Variants in OR2T1 observed in about 807,000 individuals in gnomAD.
The protein encoded by OR2T1 is olfactory receptor family 2 subfamily T member 1, also known as olfactory receptor 2T1.
For synonymous variants in OR2T1, 186 were observed against 145.4 expected (o/e 1.28, Z -2.01); for missense variants, 440 against 390.2 (o/e 1.13, Z -1.07).
chr1:248,407,934 A>G lies in OR2T1; in HGVS notation c.*830A>G, dbSNP rs568869721. On this transcript the variant is annotated 3_prime_UTR_variant, in exon 2 of 2. Transcript: ENST00000642005. ...CCCAAGGAAGGGCCGTGGGATCCCC[A>G]ATTTACAATCACTTGGTCAAAAGTA... 1.3e-5 allele frequency: 2 copies of G among 152,404 alleles called. No individual in the cohort carries two copies. Among genetic ancestry groups the G allele is most frequent in the East Asian group, 3.8e-4 (2 of 5,196 alleles). 9.4% of individuals were successfully genotyped at this position (152,404 alleles called of 1,614,324 possible).
At position 248,407,101 on chromosome 1, in the gene OR2T1, T is replaced by C. The variant is rs766863983; in HGVS notation, c.954T>C (p.Phe318=). Reference sequence around the variant, plus strand: ...CTCAAAGGGTGTCAGGAGGTGTCTTTTGACAGTCGACTCCTTCCCATGCAT... The same window carrying C: ...CTCAAAGGGTGTCAGGAGGTGTCTTCTGACAGTCGACTCCTTCCCATGCAT... The part of the protein sequence containing the change: ...KGPQRVSGGV[F] Residue 318 remains phenylalanine, a synonymous_variant, in exon 2 of 2, where the codon TTT becomes TTC. Transcript: ENST00000642005. 18 of 1,575,302 alleles carry C rather than the reference T, an allele frequency of 1.1e-5. No homozygotes were observed. Among genetic ancestry groups the C allele is most frequent in the South Asian group, 9.5e-5 (8 of 83,860 alleles).
intron 1 of OR2T1, among the ~76,000 whole-genome samples, chr1:248,405,749 A>G (rs11485458): frequency 0.75 from 113,706 of 152,110 alleles, 42,969 homozygotes; most frequent in African/African-American, 0.85. Flanking sequence ...ATACAAAGAC[A>G]CATTAAATAA....
intron 1 of OR2T1, among the ~76,000 whole-genome samples, chr1:248,405,658 C>A (rs1272145935): frequency 1.3e-5 from 2 of 152,074 alleles, no homozygotes; most frequent in African/African-American, 2.4e-5. Context: ...GGTAGATAAC[C>A]CGTACTTGTA....
rs1661553331 is a variant in OR2T1 at position 248,406,258 on chromosome 1, A to G, written c.111A>G (p.Ala37=). 1 of 1,614,114 alleles carries G rather than the reference A, an allele frequency of 6.2e-7. No homozygotes were observed. The highest frequency in any genetic ancestry group is 8.5e-7 in the Non-Finnish European group (1 of 1,180,012). ...TCATCTCTATCATCTTCTTCACCGC[A>G]CTGATGGCCAATGGGGTTATGATCT... The part of the protein sequence containing the change: ...FAIISIIFFT[A]LMANGVMIFL... The change falls in exon 2 of 2, where the codon GCA becomes GCG. Residue 37 remains alanine (A), a synonymous_variant. Coordinates refer to ENST00000642005, the MANE Select transcript of OR2T1 (RefSeq NM_030904.2).
At chr1:248,405,842 A>G (rs1025511363) in intron 1 of OR2T1, among the ~76,000 whole-genome samples, 1 of 152,224 alleles carries the variant, frequency 6.6e-6, no homozygotes, top group Non-Finnish European at 1.5e-5. Context: ...GTAGCATGGT[A>G]TGCAACCTTA....
At position 248,404,562 on chromosome 1, in the gene OR2T1, A is replaced by AC. The variant is rs1661514938; in HGVS notation, c.-34+1317_-34+1318insC. Among the ~76,000 whole-genome samples the AC allele has an allele frequency of 2.7e-5, 4 of 149,204 alleles. No homozygotes were observed. The Admixed American group carries it at 2.7e-4, about 10-fold the overall frequency. On this transcript the variant is annotated intron_variant, in intron 1 of 1. Coordinates refer to ENST00000642005, the MANE Select transcript of OR2T1 (RefSeq NM_030904.2). ...AAATATACATTATATATATATATAA[A>AC]ATATACATATGATGTATCTATGTGT...
chr1:248,403,511 T>C (rs1292170064), intron 1 of OR2T1, among the ~76,000 whole-genome samples: 1 of 152,146 alleles, frequency 6.6e-6, no homozygotes, highest in Non-Finnish European at 1.5e-5. Flanking sequence ...GTCACAGAAT[T>C]AATTAATGTC....
chr1:248,407,765 C>T lies in OR2T1; in HGVS notation c.*661C>T, dbSNP rs1225978597. The T allele has an allele frequency of 1.3e-5, 2 of 152,280 alleles. No homozygotes were observed. Among genetic ancestry groups the T allele is most frequent in the Non-Finnish European group, 2.9e-5 (2 of 68,080 alleles). The allele number at this position is 152,280 out of a possible 1,614,324, so 9.4% of individuals were successfully genotyped here. A position where few individuals can be genotyped will look rare whatever the true frequency, so the allele number is the denominator to read the frequency against. ...TGTCCCAACTCCACAGAGGCAGAAG[C>T]TCTTATGCTCTTCCAGACCTCACCC... is the stretch of plus-strand genomic sequence containing the variant. On this transcript the variant is annotated 3_prime_UTR_variant, in exon 2 of 2. Coordinates refer to ENST00000642005, the MANE Select transcript of OR2T1 (RefSeq NM_030904.2).
Position 248,406,615 on chromosome 1 carries a change from C to T in OR2T1, c.468C>T (p.Phe156=), listed in dbSNP as rs199680540. Residue 156 remains phenylalanine, a synonymous_variant, in exon 2 of 2, where the codon TTC becomes TTT. Transcript: ENST00000642005. ...GGTTTGGGGGCTCTTTGGATGGCTTCCTCCTAACCCCCATCACCATGAGCT... is the reference window on the plus strand; with the variant it reads ...GGTTTGGGGGCTCTTTGGATGGCTTTCTCCTAACCCCCATCACCATGAGCT... ...GSWFGGSLDG[F]LLTPITMSFP... 5 of 1,614,014 alleles carry T rather than the reference C, an allele frequency of 3.1e-6. No homozygotes were observed. The highest frequency in any genetic ancestry group is 4.2e-6 in the Non-Finnish European group (5 of 1,180,010).
At chr1:248,405,980 T>A (rs575830876) in intron 1 of OR2T1, 135 bp from the exon 2 acceptor site, 3 of 1,576,018 alleles carry the variant, frequency 1.9e-6, no homozygotes, top group Non-Finnish European at 2.6e-6. Flanking sequence ...GAGTAAATGC[T>A]AGATATCAGT....
chr1:248,407,870 TCCTTGAATTCTGTGAG>T lies in OR2T1; in HGVS notation c.*771_*786del, dbSNP rs150097872. ...CAAGTGGTAAACATAGGTAAGTGTTTCCTTGAATTCTGTGAGCCTTTATAGTAAACTAACTGAACCC... is the reference window on the plus strand; with the variant it reads ...CAAGTGGTAAACATAGGTAAGTGTTTCCTTTATAGTAAACTAACTGAACCC... On this transcript the variant is annotated 3_prime_UTR_variant, in exon 2 of 2. Transcript: ENST00000642005. The T allele has an allele frequency of 0.14, 21,220 of 152,190 alleles. 2,147 individuals carry two copies. Among genetic ancestry groups the T allele is most frequent in the East Asian group, 0.43 (2,224 of 5,154 alleles). The allele number at this position is 152,190 out of a possible 1,614,324, so 9.4% of individuals were successfully genotyped here.
intron 1 of OR2T1, 124 bp from the exon 2 acceptor site, chr1:248,405,991 C>T: frequency 1.3e-6 from 2 of 1,594,246 alleles, no homozygotes; most frequent in Admixed American, 3.4e-5. Flanking sequence ...AGATATCAGT[C>T]TCAATGTGGC....
Position 248,407,097 on chromosome 1 carries a change from T to C in OR2T1, c.950T>C (p.Val317Ala), listed in dbSNP as rs1661579448. The change falls in exon 2 of 2, where the codon GTC (valine) becomes GCC (alanine). Residue 317 changes from valine (V) to alanine (A), a missense_variant. Coordinates refer to ENST00000642005, the MANE Select transcript of OR2T1 (RefSeq NM_030904.2). ...GGTCCTCAAAGGGTGTCAGGAGGTG[T>C]CTTTTGACAGTCGACTCCTTCCCAT... is the stretch of plus-strand genomic sequence containing the variant. ...FKGPQRVSGGVF is the reference protein window; with the variant it reads ...FKGPQRVSGGAF The C allele has an allele frequency of 6.3e-7, 1 of 1,580,192 alleles. No homozygotes were observed. The highest frequency in any genetic ancestry group is 8.6e-7 in the Non-Finnish European group (1 of 1,164,498).
Position 248,407,278 on chromosome 1 carries a change from C to G in OR2T1, c.*174C>G. 1 of 480,640 alleles carries G rather than the reference C, an allele frequency of 2.1e-6. No homozygotes were observed. Among genetic ancestry groups the G allele is most frequent in the Non-Finnish European group, 3.5e-6 (1 of 281,890 alleles). The allele number at this position is 480,640 out of a possible 1,614,324, so 29.8% of individuals were successfully genotyped here. On this transcript the variant is annotated 3_prime_UTR_variant, in exon 2 of 2. Coordinates refer to ENST00000642005, the MANE Select transcript of OR2T1 (RefSeq NM_030904.2). The stretch of plus-strand genomic sequence containing the variant: ...GTTATGATGTTGTGGTTTTTTAGGC[C>G]TCAGAAAACTGAATCTCTCTCTGTG...
chr1:248,406,371 C>T lies in OR2T1; in HGVS notation c.224C>T (p.Thr75Ile). The T allele has an allele frequency of 6.2e-7, 1 of 1,614,140 alleles. No homozygotes were observed. Among genetic ancestry groups the T allele is most frequent in the Non-Finnish European group, 8.5e-7 (1 of 1,180,006 alleles). Reference sequence around the variant, plus strand: ...TTAATTGACATGATGTATATTTCCACTATTGTGCCTAAGATGCTGGTTAAT... The same window carrying T: ...TTAATTGACATGATGTATATTTCCATTATTGTGCCTAAGATGCTGGTTAAT... ...LSLIDMMYISTIVPKMLVNYL... is the reference protein window; with the variant it reads ...LSLIDMMYISIIVPKMLVNYL... The change falls in exon 2 of 2, where the codon ACT (threonine) becomes ATT (isoleucine). Residue 75 changes from threonine (T) to isoleucine (I), a missense_variant. Transcript: ENST00000642005.
intron 1 of OR2T1, 42 bp from the exon 2 acceptor site, chr1:248,406,073 G>A (rs1358213337): frequency 6.2e-7 from 1 of 1,613,730 alleles, no homozygotes; most frequent in Non-Finnish European, 8.5e-7. Flanking sequence ...TTCACATGTT[G>A]TTATTTTACT....
Position 248,406,236 on chromosome 1 carries a change from T to C in OR2T1, c.89T>C (p.Ile30Thr). The C allele has an allele frequency of 1.2e-6, 2 of 1,614,144 alleles. No homozygotes were observed. The highest frequency in any genetic ancestry group is 1.1e-5 in the South Asian group (1 of 91,076). The change falls in exon 2 of 2, where the codon ATC (isoleucine) becomes ACC (threonine). Residue 30 changes from isoleucine (I) to threonine (T), a missense_variant. Transcript: ENST00000642005. Reference protein sequence around the residue: ...KETSGLIFAIISIIFFTALMA... With the variant: ...KETSGLIFAITSIIFFTALMA... ...ACCTCAGGTCTTATTTTTGCCATCA[T>C]CTCTATCATCTTCTTCACCGCACTG...
Position 248,406,814 on chromosome 1 carries a change from A to G in OR2T1, c.667A>G (p.Thr223Ala). 6.2e-7 allele frequency: 1 copy of G among 1,614,154 alleles called. No homozygotes were observed. The highest frequency in any genetic ancestry group is 8.5e-7 in the Non-Finnish European group (1 of 1,180,014). The change falls in exon 2 of 2, where the codon ACA becomes GCA. Residue 223 changes from threonine to alanine, a missense_variant. Coordinates refer to ENST00000642005, the MANE Select transcript of OR2T1 (RefSeq NM_030904.2). ...VLASYARILT[T>A]VQCMSSVEGR... ...TGCTTCCTATGCCCGAATCCTGACTACAGTTCAGTGCATGAGCTCAGTGGA... is the reference window on the plus strand; with the variant it reads ...TGCTTCCTATGCCCGAATCCTGACTGCAGTTCAGTGCATGAGCTCAGTGGA...
intron 1 of OR2T1, among the ~76,000 whole-genome samples, chr1:248,403,945 G>A (rs1661484953): frequency 1.3e-5 from 2 of 151,914 alleles, no homozygotes; most frequent in African/African-American, 4.8e-5. Flanking sequence ...AACCACAGAA[G>A]AGTTACATAT....
Sources: gnomAD v4.1 joint callset for allele counts (sites outside exome capture counted in the v4.1 genomes callset) on GRCh38, gnomAD v4.1.1 for gene constraint, MANE v1.5 for transcripts, NCBI Gene and HGNC (gene_info 2026-07-23, HGNC 2026-07-21) for gene names.